Variants in FECH observed in about 807,000 individuals in gnomAD.
FECH encodes the protein ferrochelatase.
FECH carries 40 observed loss-of-function variants against 56.9 expected under a neutral mutation model. The ratio of observed to expected loss-of-function variants is 0.70; its 90% CI spans 0.55 to 0.92. The LOEUF (loss-of-function observed/expected upper bound fraction) is 0.92. Among genes scored for constraint, FECH ranks in the 40% least tolerant of loss-of-function variants. FECH has a pLI of 0.00. For synonymous variants in FECH, 175 were observed against 198.6 expected (o/e 0.88, Z 1.00); for missense variants, 431 against 529.1 (o/e 0.81, Z 1.82).
In FECH at chr18:57,547,341, C is replaced by T. The variant is rs1036175353; in HGVS notation, c.*3371G>A. On this transcript the variant is annotated 3_prime_UTR_variant, in exon 11 of 11. Coordinates refer to ENST00000262093, the MANE Select transcript of FECH (RefSeq NM_000140.5). Reference sequence around the variant, plus strand: ...ATTTGGCTCTGTTCCCCACCCAAATCTCATTTCAAATTGTAATCCCCATAA... The same window carrying T: ...ATTTGGCTCTGTTCCCCACCCAAATTTCATTTCAAATTGTAATCCCCATAA... Among the ~76,000 whole-genome samples the T allele has an allele frequency of 2.6e-5, 4 of 152,138 alleles. No individual in the cohort carries two copies. Among genetic ancestry groups the T allele is most frequent in the Admixed American group, 2.0e-4 (3 of 15,270 alleles).
chr18:57,557,906 A>G (rs1247597383), intron 7 of FECH, among the ~76,000 whole-genome samples: 1 of 152,254 alleles, frequency 6.6e-6, no homozygotes, highest in South Asian at 2.1e-4. Context: ...GAGGATGGAC[A>G]TGTGAAAAGG....
chr18:57,576,112 C>T (rs2051182576), intron 2 of FECH, among the ~76,000 whole-genome samples: 1 of 152,140 alleles, frequency 6.6e-6, no homozygotes, highest in African/African-American at 2.4e-5. Context: ...GCATACCTGG[C>T]CTCTACCTGT....
chr18:57,554,329 T>C lies in FECH; in HGVS notation c.1008A>G (p.Ala336=), dbSNP rs2122247897. 6.2e-7 allele frequency: 1 copy of C among 1,614,246 alleles called. No individual in the cohort carries two copies. Among genetic ancestry groups the C allele is most frequent in the Non-Finnish European group, 8.5e-7 (1 of 1,180,040 alleles). The stretch of plus-strand genomic sequence containing the variant: ...GCGTTTCAATATGGTCACTGGTAAA[T>C]GCTATCGGAACCAAGAGGATATTCT... ...GRKNILLVPI[A]FTSDHIETLY... Residue 336 remains alanine (A), a synonymous_variant, in exon 9 of 11, where the codon GCA becomes GCG. Transcript: ENST00000262093.
chr18:57,583,393 C>G (rs2051315871), intron 1 of FECH, among the ~76,000 whole-genome samples: 1 of 152,210 alleles, frequency 6.6e-6, no homozygotes, highest in African/African-American at 2.4e-5. Flanking sequence ...CACACGGGAC[C>G]AAGAGGCTGT....
Position 57,559,244 on chromosome 18 carries a change from C to T in FECH, c.706-1G>A. ...CCTTTAGAATATGATCTGCAAAGCA[C>T]TGAGTGAGTAACAAGAAAGGAGGAT... is the stretch of plus-strand genomic sequence containing the variant. On this transcript the variant is annotated splice_acceptor_variant, in intron 6 of 10. Coordinates refer to ENST00000262093, the MANE Select transcript of FECH (RefSeq NM_000140.5). LOFTEE classifies it high-confidence loss of function. The T allele has an allele frequency of 6.3e-7, 1 of 1,592,998 alleles. No homozygotes were observed. The highest frequency in any genetic ancestry group is 8.6e-7 in the Non-Finnish European group (1 of 1,161,174).
At chr18:57,564,752 G>A (rs569595485) in intron 5 of FECH, among the ~76,000 whole-genome samples, 5 of 152,184 alleles carry the variant, frequency 3.3e-5, no homozygotes, top group African/African-American at 4.8e-5. Flanking sequence ...GTTACAGACC[G>A]CACTTCACAG....
At chr18:57,561,457 G>C (rs142573750) in intron 6 of FECH, among the ~76,000 whole-genome samples, 1 of 152,174 alleles carries the variant, frequency 6.6e-6, no homozygotes, top group East Asian at 1.9e-4. Context: ...CATGGGCAAG[G>C]AGAAGTGCTA....
chr18:57,566,744 T>C (rs2051022642), intron 4 of FECH, among the ~76,000 whole-genome samples, 163 bp from the exon 5 acceptor site: 1 of 152,140 alleles, frequency 6.6e-6, no homozygotes, highest in African/African-American at 2.4e-5. Flanking sequence ...TCTTATCCAC[T>C]CTTCAGCTGG....
In FECH at chr18:57,546,373, C is replaced by T. The variant is rs1170662127; in HGVS notation, c.*4339G>A. ...TCGACAGGAGCTCATACGGCAGAGCCCCTAGGAATGCAGGTGCCCCCAGTC... is the reference window on the plus strand; with the variant it reads ...TCGACAGGAGCTCATACGGCAGAGCTCCTAGGAATGCAGGTGCCCCCAGTC... On this transcript the variant is annotated 3_prime_UTR_variant, in exon 11 of 11. Coordinates refer to ENST00000262093, the MANE Select transcript of FECH (RefSeq NM_000140.5). Among the ~76,000 whole-genome samples, 1 of 146,034 alleles carries T rather than the reference C, an allele frequency of 6.8e-6. No individual in the cohort carries two copies. Among genetic ancestry groups the T allele is most frequent in the Non-Finnish European group, 1.5e-5 (1 of 65,680 alleles).
In FECH at chr18:57,567,133, T is replaced by C. The variant is rs1019792324; in HGVS notation, c.464-552A>G. 2.2e-4 allele frequency among the ~76,000 whole-genome samples: 34 copies of C among 152,104 alleles called. 1 individual carries two copies. Among genetic ancestry groups the C allele is most frequent in the South Asian group, 4.1e-4 (2 of 4,828 alleles). On this transcript the variant is annotated intron_variant, in intron 4 of 10. Coordinates refer to ENST00000262093, the MANE Select transcript of FECH (RefSeq NM_000140.5). ...CAGGCCCCCCACCTCACCCTGCTCC[T>C]ATTACCCAGTTCCCCGAACCCCCAG...
At chr18:57,578,223 A>G (rs901778280) in intron 2 of FECH, among the ~76,000 whole-genome samples, 1 of 152,198 alleles carries the variant, frequency 6.6e-6, no homozygotes, top group African/African-American at 2.4e-5. Flanking sequence ...GGGAGGGGCA[A>G]GGAGAAATGG....
At chr18:57,580,661 G>C (rs1021439659) in intron 1 of FECH, among the ~76,000 whole-genome samples, 1 of 152,158 alleles carries the variant, frequency 6.6e-6, no homozygotes, top group African/African-American at 2.4e-5. Context: ...AAGCACTCGT[G>C]CTGAGAACCC....
rs1203115812 is a variant in FECH at position 57,548,115 on chromosome 18, G to A, written c.*2597C>T. Among the ~76,000 whole-genome samples the A allele has an allele frequency of 3.3e-5, 5 of 151,906 alleles. No individual in the cohort carries two copies. Among genetic ancestry groups the A allele is most frequent in the Admixed American group, 3.3e-4 (5 of 15,236 alleles). On this transcript the variant is annotated 3_prime_UTR_variant, in exon 11 of 11. Transcript: ENST00000262093. ...AAAATATAAAAAAGTAGCCCAGCGT[G>A]GTGAAGCACTCCTGTAGTCCCAGCT...
rs757110929 is a variant in FECH, at chr18:57,554,998, GC to G, written c.805-47del. On this transcript the variant is annotated intron_variant, in intron 7 of 10. Transcript: ENST00000262093. ...GTGTTCAGCCATTAACACTGGGAAG[GC>G]CCCGAGAGCCTCTGACTATGTGCTG... The G allele has an allele frequency of 8.3e-6, 12 of 1,450,688 alleles. No homozygotes were observed. In the South Asian group the frequency reaches 1.0e-4, roughly 12 times the overall value. The allele number at this position is 1,450,688 out of a possible 1,614,324, so 89.9% of individuals were successfully genotyped here.
At position 57,586,541 on chromosome 18, in the gene FECH, C is replaced by G. The variant is rs1300367759; in HGVS notation, c.67+13G>C. On this transcript the variant is annotated intron_variant, in intron 1 of 10. Transcript: ENST00000262093. The stretch of plus-strand genomic sequence containing the variant: ...ATCCTGGCCCTGGCGGCCGCCGCGA[C>G]AGACCCACTTACGCGGATCGCGGAG... The G allele has an allele frequency of 1.3e-6, 2 of 1,521,004 alleles. No individual in the cohort carries two copies. The highest frequency in any genetic ancestry group is 1.4e-5 in the African/African-American group (1 of 70,232). 94.2% of individuals were successfully genotyped at this position (1,521,004 alleles called of 1,614,324 possible). A position where few individuals can be genotyped will look rare whatever the true frequency, so the allele number is the denominator to read the frequency against.
In FECH at chr18:57,547,237, G is replaced by A. The variant is rs1404796550; in HGVS notation, c.*3475C>T. Among the ~76,000 whole-genome samples, 1 of 152,132 alleles carries A rather than the reference G, an allele frequency of 6.6e-6. No homozygotes were observed. Among genetic ancestry groups the A allele is most frequent in the Non-Finnish European group, 1.5e-5 (1 of 68,038 alleles). The stretch of plus-strand genomic sequence containing the variant: ...TGCTGGAATGAGTTAAGACTCTGGA[G>A]GACTGTTGTGAAGGCATGATTGGTT... On this transcript the variant is annotated 3_prime_UTR_variant, in exon 11 of 11. Coordinates refer to ENST00000262093, the MANE Select transcript of FECH (RefSeq NM_000140.5).
rs2050734767 is a variant in FECH at position 57,547,503 on chromosome 18, C to T, written c.*3209G>A. Among the ~76,000 whole-genome samples the T allele has an allele frequency of 6.6e-6, 1 of 152,202 alleles. No individual in the cohort carries two copies. The highest frequency in any genetic ancestry group is 1.5e-5 in the Non-Finnish European group (1 of 68,036). On this transcript the variant is annotated 3_prime_UTR_variant, in exon 11 of 11. Coordinates refer to ENST00000262093, the MANE Select transcript of FECH (RefSeq NM_000140.5). ...GGGGCTCTTCCCCTTTGCTTGCTCT[C>T]ACTCACTGCCATGTAAGACATCTGC...
intron 2 of FECH, 23 bp downstream of exon 2, chr18:57,580,050 T>G: frequency 6.2e-7 from 1 of 1,613,790 alleles, no homozygotes; most frequent in Non-Finnish European, 8.5e-7. Flanking sequence ...AATTCTTATT[T>G]GTACCTGATG....
chr18:57,577,884 G>A (rs748567604), intron 2 of FECH, among the ~76,000 whole-genome samples: 42 of 151,878 alleles, frequency 2.8e-4, no homozygotes, highest in Non-Finnish European at 5.4e-4. Flanking sequence ...GTAAGACCTC[G>A]TCTCTATTTT....
Sources: allele counts gnomAD v4.1 joint callset (sites outside exome capture counted in the v4.1 genomes callset), GRCh38; gene constraint gnomAD v4.1.1; transcripts MANE v1.5; gene names NCBI Gene and HGNC (gene_info 2026-07-23, HGNC 2026-07-21).